ZMIZ1: variants seen among roughly 807,000 people sequenced by gnomAD.
ZMIZ1 encodes zinc finger MIZ domain-containing protein 1.
A neutral mutation model predicts 113.9 loss-of-function variants in ZMIZ1; 17 were observed. The observed-to-expected ratio is 0.15, with a 90% confidence interval of 0.10 to 0.22. The LOEUF is 0.22. ZMIZ1 is among the 10% of genes least tolerant of loss of function. The pLI is 1.00. For synonymous variants in ZMIZ1, 607 were observed against 603.1 expected (o/e 1.01, Z -0.09); for missense variants, 1,059 against 1,477.8 (o/e 0.72, Z 4.65).
chr10:79,095,277 A>G (rs570238515), intron 1 of ZMIZ1, among the ~76,000 whole-genome samples: 10 of 152,370 alleles, frequency 6.6e-5, no homozygotes, highest in Admixed American at 4.6e-4. Flanking sequence ...AGTCATGTCT[A>G]TAACATACAT....
At chr10:79,141,817 G>A (rs137857140) in intron 3 of ZMIZ1, among the ~76,000 whole-genome samples, 71 of 152,344 alleles carry the variant, frequency 4.7e-4, no homozygotes, top group Middle Eastern at 3.4e-3. Context: ...CAGTGTGGCT[G>A]GGAGGATGTC....
In ZMIZ1 at chr10:79,296,416, A is replaced by G. The variant is rs1042303149; in HGVS notation, c.1231-55A>G. 14 of 1,593,616 alleles carry G rather than the reference A, an allele frequency of 8.8e-6. No homozygotes were observed. In the African/African-American group the frequency reaches 1.3e-4, roughly 15 times the overall value. On this transcript the variant is annotated intron_variant, in intron 12 of 24. Transcript: ENST00000334512. The surrounding 1 kb of genome is among the most constrained non-coding windows in gnomAD (Gnocchi z 4.1). ...ATCCCGTTGTTCAGGTGACCTGGCT[A>G]TGTGACGTTGGCAACATTGAACGTG...
At chr10:79,307,054 G>A (rs564069182) in intron 22 of ZMIZ1, among the ~76,000 whole-genome samples, 1 of 152,296 alleles carries the variant, frequency 6.6e-6, no homozygotes, top group South Asian at 2.1e-4. Flanking sequence ...CTGGGCCTGG[G>A]TCTTGCTGGG....
chr10:79,172,752 G>A lies in ZMIZ1; in HGVS notation c.-50+10619G>A, dbSNP rs560822198. On this transcript the variant is annotated intron_variant, in intron 4 of 24. Coordinates refer to ENST00000334512, the MANE Select transcript of ZMIZ1 (RefSeq NM_020338.4). ...TTGACACAAAAGAGGAGGAGGACAC[G>A]AACTCTCCAAAAAATCATTTTAAGT... Among the ~76,000 whole-genome samples the A allele has an allele frequency of 5.3e-5, 8 of 152,302 alleles. No individual in the cohort carries two copies. The East Asian group carries it at 7.7e-4, about 15-fold the overall frequency.
chr10:79,297,379 A>G (rs993921659), intron 13 of ZMIZ1, among the ~76,000 whole-genome samples: 1 of 152,350 alleles, frequency 6.6e-6, no homozygotes, highest in African/African-American at 2.4e-5. Flanking sequence ...CAACTTCAGC[A>G]TACTAGGTGT....
rs34305410 is a variant in ZMIZ1, at chr10:79,305,193, G to C, written c.2316G>C (p.Leu772=). Residue 772 remains leucine (L), a synonymous_variant, in exon 20 of 25, where the codon CTG becomes CTC. Coordinates refer to ENST00000334512, the MANE Select transcript of ZMIZ1 (RefSeq NM_020338.4). The part of the protein sequence containing the change: ...QCFDLESYLQ[L]NCERGTWRCP... Reference sequence around the variant, plus strand: ...TTGATCTGGAGTCATACCTGCAGCTGAATTGCGAGAGAGGGACCTGGAGGT... The same window carrying C: ...TTGATCTGGAGTCATACCTGCAGCTCAATTGCGAGAGAGGGACCTGGAGGT... The C allele has an allele frequency of 0.025, 41,043 of 1,614,098 alleles. 788 individuals are homozygous for C. The highest frequency in any genetic ancestry group is 0.087 in the African/African-American group (6,496 of 75,022).
intron 7 of ZMIZ1, among the ~76,000 whole-genome samples, chr10:79,253,644 G>T (rs939568965): frequency 5.9e-5 from 9 of 152,182 alleles, no homozygotes; most frequent in Non-Finnish European, 1.2e-4. Flanking sequence ...TTCCAAGTCC[G>T]AGGCTTCAGT....
intron 13 of ZMIZ1, 25 bp from the exon 14 acceptor site, chr10:79,297,588 A>C (rs369867089): frequency 1.2e-6 from 2 of 1,607,070 alleles, no homozygotes; most frequent in Admixed American, 1.7e-5. Context: ...CCCCCCACTC[A>C]GTGTTGTTTA....
rs552394474 is a variant in ZMIZ1 at position 79,293,780 on chromosome 10, G to T, written c.1230+127G>T. On this transcript the variant is annotated intron_variant, in intron 12 of 24. Coordinates refer to ENST00000334512, the MANE Select transcript of ZMIZ1 (RefSeq NM_020338.4). Reference sequence around the variant, plus strand: ...AGCACACTTGGACAAAGAGGCAGGGGCTTAGGGGTCAGGTGCTCCTGGGTT... The same window carrying T: ...AGCACACTTGGACAAAGAGGCAGGGTCTTAGGGGTCAGGTGCTCCTGGGTT... 57 of 1,426,578 alleles carry T rather than the reference G, an allele frequency of 4.0e-5. 1 individual carries two copies. The East Asian group carries it at 1.3e-3, about 32-fold the overall frequency. 88.4% of individuals were successfully genotyped at this position (1,426,578 alleles called of 1,614,324 possible). A position where few individuals can be genotyped will look rare whatever the true frequency, so the allele number is the denominator to read the frequency against.
At chr10:79,100,195 C>T (rs568841286) in intron 1 of ZMIZ1, among the ~76,000 whole-genome samples, 20 of 152,102 alleles carry the variant, frequency 1.3e-4, no homozygotes, top group African/African-American at 4.8e-4. Context: ...CTGAGGGGAG[C>T]CCCAGGGGGA....
chr10:79,306,621 T>A (rs1468107626), intron 22 of ZMIZ1, among the ~76,000 whole-genome samples: 1 of 152,182 alleles, frequency 6.6e-6, no homozygotes, highest in Non-Finnish European at 1.5e-5. Flanking sequence ...CCTCCTGTAT[T>A]TTTTCTGTGA....
intron 4 of ZMIZ1, among the ~76,000 whole-genome samples, chr10:79,179,020 G>C (rs1288446903): frequency 6.6e-6 from 1 of 152,212 alleles, no homozygotes; most frequent in Non-Finnish European, 1.5e-5. Flanking sequence ...AGGAAGGAGA[G>C]GAGTCGGGCA....
rs1006907892 is a variant in ZMIZ1, at chr10:79,313,085, G to A, written c.*336G>A. The A allele has an allele frequency of 1.0e-4, 31 of 301,950 alleles. No homozygotes were observed. The highest frequency in any genetic ancestry group is 1.8e-4 in the Non-Finnish European group (28 of 159,636). 18.7% of individuals were successfully genotyped at this position (301,950 alleles called of 1,614,324 possible). A position where few individuals can be genotyped will look rare whatever the true frequency, so the allele number is the denominator to read the frequency against. On this transcript the variant is annotated 3_prime_UTR_variant, in exon 25 of 25. Coordinates refer to ENST00000334512, the MANE Select transcript of ZMIZ1 (RefSeq NM_020338.4). ...ATGCGGCTTCCCGGTCCCTCCGCGTGTGCCGATTCCAGATGACCTTCCAGT... is the reference window on the plus strand; with the variant it reads ...ATGCGGCTTCCCGGTCCCTCCGCGTATGCCGATTCCAGATGACCTTCCAGT...
rs111254709 is a variant in ZMIZ1 at position 79,314,005 on chromosome 10, T to TG, written c.*1263dup. 1.8e-5 allele frequency: 8 copies of TG among 455,550 alleles called. No individual in the cohort carries two copies. Among genetic ancestry groups the TG allele is most frequent in the South Asian group, 4.7e-5 (3 of 64,490 alleles). 28.2% of individuals were successfully genotyped at this position (455,550 alleles called of 1,614,324 possible). On this transcript the variant is annotated 3_prime_UTR_variant, in exon 25 of 25. Coordinates refer to ENST00000334512, the MANE Select transcript of ZMIZ1 (RefSeq NM_020338.4). ...GTGCACCAGTATGTACCTGCAGGCA[T>TG]GGGGGGGAGGGGGGCGTGTTTCTGG...
At chr10:79,164,662 A>G (rs1030204147) in intron 4 of ZMIZ1, among the ~76,000 whole-genome samples, 3 of 152,160 alleles carry the variant, frequency 2.0e-5, no homozygotes, top group Non-Finnish European at 4.4e-5. Flanking sequence ...GCATCTTCCA[A>G]TTCAACTTTC....
At position 79,302,705 on chromosome 10, in the gene ZMIZ1, T is replaced by TGA. The variant is rs71482722; in HGVS notation, c.2125+506_2125+507dup. On this transcript the variant is annotated intron_variant, in intron 18 of 24. Coordinates refer to ENST00000334512, the MANE Select transcript of ZMIZ1 (RefSeq NM_020338.4). ...GCTTTTTTTTTTTTTTTTTTTTTTT[T>TGA]GAGAGAGAGAGAGAATGTCGCTCTG... 9.7e-4 allele frequency among the ~76,000 whole-genome samples: 90 copies of TGA among 92,440 alleles called. 2 individuals are homozygous for TGA. The highest frequency in any genetic ancestry group is 1.5e-3 in the Non-Finnish European group (73 of 47,552). The allele number at this position is 92,440 out of a possible 152,430, so 60.6% of individuals were successfully genotyped here.
At chr10:79,192,413 C>T (rs1026038378) in intron 4 of ZMIZ1, among the ~76,000 whole-genome samples, 3 of 152,250 alleles carry the variant, frequency 2.0e-5, no homozygotes, top group African/African-American at 4.8e-5. Flanking sequence ...TGTTATCCCA[C>T]TAGCCAGCAT....
chr10:79,114,477 CT>C (rs1843909179), intron 1 of ZMIZ1, among the ~76,000 whole-genome samples: 1 of 64,922 alleles, frequency 1.5e-5, no homozygotes, highest in Non-Finnish European at 3.2e-5. Flanking sequence ...GTGTGTGTGT[CT>C]GTGTGTGTGT....
intron 1 of ZMIZ1, among the ~76,000 whole-genome samples, chr10:79,093,118 C>T (rs1213301478): frequency 8.0e-6 from 1 of 124,224 alleles, no homozygotes; most frequent in African/African-American, 3.2e-5. Flanking sequence ...ATTCTTTCTA[C>T]CACCCCCCCC....
Sources: gnomAD v4.1 joint callset for allele counts (sites outside exome capture counted in the v4.1 genomes callset) on GRCh38, gnomAD v4.1.1 for gene constraint, Gnocchi (gnomAD v3.1) non-coding constraint, MANE v1.5 for transcripts, NCBI Gene and HGNC (gene_info 2026-07-23, HGNC 2026-07-21) for gene names.